Variants in SLK observed in about 807,000 individuals in gnomAD.
SLK encodes the protein STE20 like kinase.
SLK carries 67 observed loss-of-function variants against 147.7 expected under a neutral mutation model. That is an observed-to-expected ratio of 0.45 (90% CI 0.37 to 0.56). The LOEUF (loss-of-function observed/expected upper bound fraction) is 0.56. SLK is among the 20% of genes least tolerant of loss of function. The probability of loss-of-function intolerance (pLI) is 0.00; values close to 1 mark genes in which losing one functional copy is unlikely to be tolerated. For missense variants in SLK, 1,136 were observed against 1,438.8 expected (o/e 0.79, Z 3.41); for synonymous variants, 441 against 475.0 (o/e 0.93, Z 0.93).
rs770860566 is a variant in SLK at position 103,992,571 on chromosome 10, C to T, written c.316-27C>T. ...AAAACTCCATGTAGTTTTAGACACACGCTTTTTTTTTTTTTTTTGCATGCA... is the reference window on the plus strand; with the variant it reads ...AAAACTCCATGTAGTTTTAGACACATGCTTTTTTTTTTTTTTTTGCATGCA... On this transcript the variant is annotated intron_variant, in intron 2 of 18. Coordinates refer to ENST00000369755, the MANE Select transcript of SLK (RefSeq NM_014720.4). 22 of 1,214,902 alleles carry T rather than the reference C, an allele frequency of 1.8e-5. 1 individual carries two copies. Among genetic ancestry groups the T allele is most frequent in the South Asian group, 4.7e-5 (3 of 63,346 alleles). 75.3% of individuals were successfully genotyped at this position (1,214,902 alleles called of 1,614,324 possible).
chr10:104,025,943 G>A lies in SLK; in HGVS notation c.*223G>A, dbSNP rs1217128955. ...CATGTTGGCAAAGTAGCATCTTGGTGACTAAGGTGACTTTGTATATTCATC... is the reference window on the plus strand; with the variant it reads ...CATGTTGGCAAAGTAGCATCTTGGTAACTAAGGTGACTTTGTATATTCATC... On this transcript the variant is annotated 3_prime_UTR_variant, in exon 19 of 19. Transcript: ENST00000369755. The A allele has an allele frequency of 7.3e-6, 3 of 412,230 alleles. No homozygotes were observed. The highest frequency in any genetic ancestry group is 8.3e-5 in the Admixed American group (2 of 24,160). 25.5% of individuals were successfully genotyped at this position (412,230 alleles called of 1,614,324 possible).
intron 1 of SLK, among the ~76,000 whole-genome samples, chr10:103,971,179 A>T (rs1441129467): frequency 6.6e-6 from 1 of 152,216 alleles, no homozygotes; most frequent in Non-Finnish European, 1.5e-5. Flanking sequence ...TTTCTCTTTT[A>T]AAAATAGTAT....
At position 104,003,205 on chromosome 10, in the gene SLK, C is replaced by G. The variant is rs1319959701; in HGVS notation, c.2027C>G (p.Thr676Ser). ...GSEVQDASKV[T>S]TQIDKEKKEI... is the part of the protein sequence containing the mutation. ...GAAGTTCAGGATGCTTCTAAAGTCA[C>G]TACTCAGATAGATAAAGAGAAAAAA... is the stretch of plus-strand genomic sequence containing the variant. The change falls in exon 9 of 19, where the codon ACT (threonine) becomes AGT (serine). Residue 676 changes from threonine to serine, a missense_variant. Thr to Ser is a moderately conservative substitution (Grantham distance 58, BLOSUM62 1). This residue lies in a region of SLK where 516 missense variants were observed against 531.3 expected (regional missense o/e 0.97). Coordinates refer to ENST00000369755, the MANE Select transcript of SLK (RefSeq NM_014720.4). The G allele has an allele frequency of 5.6e-6, 9 of 1,613,228 alleles. No homozygotes were observed. The highest frequency in any genetic ancestry group is 7.6e-6 in the Non-Finnish European group (9 of 1,179,802).
At chr10:104,025,212 A>G (rs1193949726) in intron 18 of SLK, among the ~76,000 whole-genome samples, 4 of 152,248 alleles carry the variant, frequency 2.6e-5, no homozygotes, top group Admixed American at 2.0e-4. Flanking sequence ...GGAGAAACAC[A>G]TAATAGTTAA....
chr10:104,004,347 A>C (rs865977910), intron 9 of SLK, among the ~76,000 whole-genome samples: 29 of 152,322 alleles, frequency 1.9e-4, no homozygotes, highest in Middle Eastern at 3.4e-3. Context: ...TGACTGAAAT[A>C]ACCACCACTC....
At chr10:104,024,678 G>A (rs111302756) in intron 18 of SLK, among the ~76,000 whole-genome samples, 1 of 151,910 alleles carries the variant, frequency 6.6e-6, no homozygotes, top group African/African-American at 2.4e-5. Context: ...TTCTTTTCCT[G>A]TGCTTTGTAC....
At chr10:104,018,101 A>G in intron 13 of SLK, 59 bp from the exon 14 acceptor site, 1 of 1,385,898 alleles carries the variant, frequency 7.2e-7, no homozygotes, top group Non-Finnish European at 9.9e-7. Flanking sequence ...AGCCATATAG[A>G]TAAATGGATG....
At chr10:103,972,666 C>T (rs993418767) in intron 1 of SLK, among the ~76,000 whole-genome samples, 3 of 84,438 alleles carry the variant, frequency 3.6e-5, no homozygotes, top group Non-Finnish European at 4.9e-5. Context: ...AGCAAGACTC[C>T]GTCTCAAAAA....
chr10:104,016,585 T>C (rs1328941858), intron 13 of SLK, among the ~76,000 whole-genome samples: 2 of 152,216 alleles, frequency 1.3e-5, no homozygotes, highest in African/African-American at 4.8e-5. Context: ...TTGCATTTTA[T>C]AGAGGCATTC....
At position 103,993,623 on chromosome 10, in the gene SLK, C is replaced by T. The variant is rs573934406; in HGVS notation, c.514+490C>T. 1.6e-3 allele frequency among the ~76,000 whole-genome samples: 239 copies of T among 152,066 alleles called. 3 individuals carry two copies. The highest frequency in any genetic ancestry group is 5.5e-3 in the African/African-American group (228 of 41,490). On this transcript the variant is annotated intron_variant, in intron 4 of 18. Transcript: ENST00000369755. ...CTTAGTTCTGAAGAGAATACCTAAA[C>T]GTAAGGACTAGAATTTTTAATTTTA...
At position 104,026,618 on chromosome 10, in the gene SLK, T is replaced by C. The variant is rs1008262125; in HGVS notation, c.*898T>C. 6.6e-6 allele frequency: 1 copy of C among 152,232 alleles called. No individual in the cohort carries two copies. Among genetic ancestry groups the C allele is most frequent in the Non-Finnish European group, 1.5e-5 (1 of 68,040 alleles). The allele number at this position is 152,232 out of a possible 1,614,324, so 9.4% of individuals were successfully genotyped here. The stretch of plus-strand genomic sequence containing the variant: ...TTATTTTCTAAAATAATACCTGAGC[T>C]GGTTAAATGATTTCTCTCCATCTTA... On this transcript the variant is annotated 3_prime_UTR_variant, in exon 19 of 19. Coordinates refer to ENST00000369755, the MANE Select transcript of SLK (RefSeq NM_014720.4).
intron 11 of SLK, among the ~76,000 whole-genome samples, chr10:104,007,212 A>G (rs1844338689): frequency 6.6e-6 from 1 of 152,166 alleles, no homozygotes; most frequent in Non-Finnish European, 1.5e-5. Flanking sequence ...ATTTTATTGG[A>G]TAAATATTGA....
chr10:103,990,473 T>C (rs947589862), intron 1 of SLK, among the ~76,000 whole-genome samples: 3 of 152,218 alleles, frequency 2.0e-5, no homozygotes, highest in Non-Finnish European at 4.4e-5. Flanking sequence ...AACCTAAAAC[T>C]TTCCTTTATC....
chr10:104,009,234 A>ATGATTG (rs530415509), intron 12 of SLK, among the ~76,000 whole-genome samples: 1 of 152,144 alleles, frequency 6.6e-6, no homozygotes, highest in Non-Finnish European at 1.5e-5. Flanking sequence ...ACCAGAGACA[A>ATGATTG]TGATTGTGAT....
At chr10:103,980,272 CATTT>C (rs1225709497) in intron 1 of SLK, among the ~76,000 whole-genome samples, 6 of 152,078 alleles carry the variant, frequency 3.9e-5, no homozygotes, top group South Asian at 2.1e-4. Flanking sequence ...AATTTGTGCA[CATTT>C]ATTTTTCAAT....
chr10:104,028,204 T>G lies in SLK; in HGVS notation c.*2484T>G, dbSNP rs146453608. On this transcript the variant is annotated 3_prime_UTR_variant, in exon 19 of 19. Transcript: ENST00000369755. ...GGGTACAGTCAAATCTACTGCTGAT[T>G]TGGTTGTTTTGTTGCTGTGGCAGAA... 1.2e-4 allele frequency: 19 copies of G among 152,222 alleles called. No individual in the cohort carries two copies. The highest frequency in any genetic ancestry group is 2.2e-4 in the Non-Finnish European group (15 of 68,036). 9.4% of individuals were successfully genotyped at this position (152,222 alleles called of 1,614,324 possible).
intron 7 of SLK, 38 bp downstream of exon 7, chr10:103,999,986 T>TGC: frequency 5.7e-6 from 5 of 873,704 alleles, no homozygotes; most frequent in Non-Finnish European, 8.9e-6. Context: ...TATAATTATT[T>TGC]TAACATCTAA....
chr10:103,985,328 T>G (rs1254448033), intron 1 of SLK, among the ~76,000 whole-genome samples: 1 of 152,138 alleles, frequency 6.6e-6, no homozygotes, highest in East Asian at 1.9e-4. Flanking sequence ...CGCTGGGGTG[T>G]TGTTTGTCTT....
chr10:104,025,479 A>T, intron 18 of SLK, 95 bp from the exon 19 acceptor site: 2 of 1,206,948 alleles, frequency 1.7e-6, no homozygotes, highest in Non-Finnish European at 2.3e-6. Context: ...TATACAAAGA[A>T]AGTGTTTTGG....
Sources: allele counts gnomAD v4.1 joint callset (sites outside exome capture counted in the v4.1 genomes callset), GRCh38; gene constraint gnomAD v4.1.1; regional missense constraint gnomAD v4.1.1; transcripts MANE v1.5; gene names NCBI Gene and HGNC (gene_info 2026-07-23, HGNC 2026-07-21).